CAPS2: variants seen among roughly 807,000 people sequenced by gnomAD.
CAPS2 encodes calcyphosin-2.
A neutral mutation model predicts 86.5 loss-of-function variants in CAPS2; 98 were observed. The observed-to-expected ratio is 1.13, with a 90% confidence interval of 0.96 to 1.34. The LOEUF (loss-of-function observed/expected upper bound fraction) is 1.34. Among genes scored for constraint, CAPS2 ranks in the 40% most tolerant of loss-of-function variants. The pLI, the probability that CAPS2 is intolerant of heterozygous loss-of-function variation, is 0.00. For synonymous variants in CAPS2, 210 were observed against 225.1 expected (o/e 0.93, Z 0.60); for missense variants, 729 against 686.8 (o/e 1.06, Z -0.69).
intron 1 of CAPS2, among the ~76,000 whole-genome samples, chr12:75,350,205 C>A (rs1351134184): frequency 6.6e-6 from 1 of 152,204 alleles, no homozygotes; most frequent in Non-Finnish European, 1.5e-5. Context: ...TTTTCAGCAC[C>A]CCCAGCCAGG....
chr12:75,340,161 AAT>A (rs112387681), intron 1 of CAPS2, among the ~76,000 whole-genome samples: 1 of 149,806 alleles, frequency 6.7e-6, no homozygotes, highest in African/African-American at 2.4e-5. Context: ...TATATGTATA[AAT>A]ATATATATAC....
chr12:75,297,049 T>C (rs2037024472), intron 11 of CAPS2, among the ~76,000 whole-genome samples: 1 of 151,714 alleles, frequency 6.6e-6, no homozygotes, highest in East Asian at 1.9e-4. Flanking sequence ...TTCCTTTCTC[T>C]CTTTCTTTCT....
intron 7 of CAPS2, among the ~76,000 whole-genome samples, chr12:75,309,631 G>A (rs546202146): frequency 1.3e-5 from 2 of 152,174 alleles, no homozygotes; most frequent in Non-Finnish European, 2.9e-5. Flanking sequence ...ACAATTCAAA[G>A]ATAGAAGAAC....
rs764314438 is a variant in CAPS2 at position 75,311,699 on chromosome 12, G to GAAAA, written c.659+1148_659+1149insTTTT. On this transcript the variant is annotated intron_variant, in intron 7 of 16. Transcript: ENST00000393284. ...CGTGTCACGTGCAGGAAGCCATGCA[G>GAAAA]GAAAAAAAAAAACAAAAAAAAAAAC... Among the ~76,000 whole-genome samples the GAAAA allele has an allele frequency of 5.3e-4, 9 of 17,024 alleles. 1 individual carries two copies. The East Asian group carries it at 6.6e-3, about 12-fold the overall frequency. The allele number at this position is 17,024 out of a possible 152,430, so 11.2% of individuals were successfully genotyped here. A position where few individuals can be genotyped will look rare whatever the true frequency, so the allele number is the denominator to read the frequency against.
At chr12:75,368,833 T>C (rs1332187241) in intron 1 of CAPS2, among the ~76,000 whole-genome samples, 1 of 151,442 alleles carries the variant, frequency 6.6e-6, no homozygotes, top group African/African-American at 2.4e-5. Context: ...TGTGAGTGTG[T>C]TATGTGTAAA....
intron 7 of CAPS2, among the ~76,000 whole-genome samples, chr12:75,306,976 G>C (rs1416733104): frequency 6.6e-6 from 1 of 152,058 alleles, no homozygotes; most frequent in Admixed American, 6.6e-5. Flanking sequence ...AGGAGAAGGA[G>C]TAAGGGTACC....
At chr12:75,358,990 T>C (rs993784906) in intron 1 of CAPS2, among the ~76,000 whole-genome samples, 23 of 148,938 alleles carry the variant, frequency 1.5e-4, no homozygotes, top group African/African-American at 4.9e-4. Flanking sequence ...CATAAAAATA[T>C]AGAAAAACAG....
intron 11 of CAPS2, among the ~76,000 whole-genome samples, chr12:75,297,535 G>A (rs1484788236): frequency 1.3e-5 from 2 of 152,072 alleles, no homozygotes; most frequent in African/African-American, 4.8e-5. Context: ...CTGCCCTTGT[G>A]TATCTAGTCT....
intron 1 of CAPS2, chr12:75,369,913 T>G: frequency 7.8e-7 from 1 of 1,285,064 alleles, no homozygotes; most frequent in Non-Finnish European, 1.0e-6. Context: ...AAATATGTTT[T>G]CTTGTTTTAT....
upstream of CAPS2, among the ~76,000 whole-genome samples, chr12:75,327,107 A>G (rs1178019238): frequency 2.6e-5 from 4 of 152,208 alleles, no homozygotes; most frequent in Admixed American, 1.3e-4. Flanking sequence ...GACCTCCAGA[A>G]CTATAAAATA....
At chr12:75,312,735 G>A in intron 7 of CAPS2, 113 bp downstream of exon 7, 1 of 626,024 alleles carries the variant, frequency 1.6e-6, no homozygotes, top group Non-Finnish European at 2.8e-6. Context: ...GAAAGTTTGG[G>A]AACCTCTGAG....
chr12:75,368,218 C>T (rs920069331), intron 1 of CAPS2, among the ~76,000 whole-genome samples: 1 of 151,016 alleles, frequency 6.6e-6, no homozygotes, highest in African/African-American at 2.4e-5. Flanking sequence ...CATGAGGTTT[C>T]CTTAAGAGAT....
intron 11 of CAPS2, among the ~76,000 whole-genome samples, chr12:75,297,856 TC>T (rs879703131): frequency 6.6e-6 from 1 of 152,122 alleles, no homozygotes; most frequent in Non-Finnish European, 1.5e-5. Context: ...TATTCCCTTA[TC>T]CCAGCCTTGC....
intron 1 of CAPS2, among the ~76,000 whole-genome samples, chr12:75,367,920 T>C (rs919993799): frequency 2.0e-5 from 3 of 152,190 alleles, no homozygotes; most frequent in Non-Finnish European, 2.9e-5. Flanking sequence ...ATGTTTGTTT[T>C]AGATTATTTT....
chr12:75,291,587 A>T (rs1481935272), intron 13 of CAPS2, among the ~76,000 whole-genome samples, 157 bp downstream of exon 13: 1 of 82,114 alleles, frequency 1.2e-5, no homozygotes, highest in African/African-American at 3.5e-5. Context: ...ATATATATAT[A>T]TATATATATA....
chr12:75,300,766 C>T (rs1409899708), intron 8 of CAPS2, among the ~76,000 whole-genome samples: 1 of 151,950 alleles, frequency 6.6e-6, no homozygotes, highest in Non-Finnish European at 1.5e-5. Context: ...CAATCCACCA[C>T]ATCAGAACGA....
rs138897272 is a variant in CAPS2 at position 75,299,804 on chromosome 12, T to C, written c.854+33A>G. ...AAAAGAGAATACGTTTTTATAATCA[T>C]AGGATTAAAAATTTTAATAAAATCA... is the stretch of plus-strand genomic sequence containing the variant. On this transcript the variant is annotated intron_variant, in intron 9 of 16. Coordinates refer to ENST00000393284, the Ensembl canonical transcript of CAPS2. 4.0e-5 allele frequency: 42 copies of C among 1,052,530 alleles called. No homozygotes were observed. In the African/African-American group the frequency reaches 5.2e-4, roughly 13 times the overall value. 65.2% of individuals were successfully genotyped at this position (1,052,530 alleles called of 1,614,324 possible). A position where few individuals can be genotyped will look rare whatever the true frequency, so the allele number is the denominator to read the frequency against.
chr12:75,310,206 T>A (rs1412856036), intron 7 of CAPS2, among the ~76,000 whole-genome samples: 1 of 152,076 alleles, frequency 6.6e-6, no homozygotes, highest in Non-Finnish European at 1.5e-5. Context: ...ACAACATGAA[T>A]TACATGCCCC....
intron 1 of CAPS2, among the ~76,000 whole-genome samples, chr12:75,382,431 G>A (rs2045049086): frequency 6.6e-6 from 1 of 152,132 alleles, no homozygotes; most frequent in Admixed American, 6.5e-5. Context: ...CCCGAGGTCA[G>A]GAGTTCAAGA....
Sources: allele counts gnomAD v4.1 joint callset (sites outside exome capture counted in the v4.1 genomes callset), GRCh38; gene constraint gnomAD v4.1.1; transcripts MANE v1.5; gene names NCBI Gene and HGNC (gene_info 2026-07-23, HGNC 2026-07-21).